ZNF516: variants seen among roughly 807,000 people sequenced by gnomAD.
ZNF516 encodes the protein zinc finger protein 516.
Under a neutral mutation model 79.7 loss-of-function variants are expected in ZNF516, and 19 were observed. The ratio of observed to expected loss-of-function variants is 0.24; its 90% CI spans 0.17 to 0.35. The LOEUF is 0.35. ZNF516 is among the 10% of genes least tolerant of loss of function. ZNF516 has a pLI of 1.00. For missense variants in ZNF516, 1,678 were observed against 1,679.5 expected (o/e 1.00, Z 0.02); for synonymous variants, 877 against 739.5 (o/e 1.19, Z -3.02).
chr18:76,372,481 A>C (rs1048071490), intron 4 of ZNF516, among the ~76,000 whole-genome samples: 1 of 152,344 alleles, frequency 6.6e-6, no homozygotes, highest in South Asian at 2.1e-4. Flanking sequence ...CTGTTGCAGT[A>C]ATTTTTTAAA....
intron 2 of ZNF516, among the ~76,000 whole-genome samples, chr18:76,452,727 C>T (rs1391031401): frequency 6.6e-6 from 1 of 152,186 alleles, no homozygotes; most frequent in Non-Finnish European, 1.5e-5. Context: ...CTCGAAGTCC[C>T]TTGAACATCA....
chr18:76,484,812 T>C (rs1914735409), intron 1 of ZNF516, among the ~76,000 whole-genome samples: 1 of 152,248 alleles, frequency 6.6e-6, no homozygotes, highest in Admixed American at 6.5e-5. Context: ...AACCTTACTT[T>C]CTAAAGTTCA....
intron 2 of ZNF516, among the ~76,000 whole-genome samples, chr18:76,461,638 A>G (rs1289121384): frequency 6.6e-6 from 1 of 152,238 alleles, no homozygotes; most frequent in East Asian, 1.9e-4. Context: ...TAAAATCAGA[A>G]AACATACATC....
chr18:76,491,688 A>T (rs1406844239), intron 1 of ZNF516: 10 of 233,046 alleles, frequency 4.3e-5, no homozygotes, highest in Non-Finnish European at 6.6e-5. Flanking sequence ...CGGGGCGGGC[A>T]GGTGAGTCCC....
In ZNF516 at chr18:76,371,519, T is replaced by C; in HGVS notation, c.3312A>G (p.Gly1104=). Residue 1104 remains glycine, a synonymous_variant, in exon 5 of 7, where the codon GGA becomes GGG. Transcript: ENST00000443185. Reference sequence around the variant, plus strand: ...GGTGGCCGGGCTGGTGGAAGCTCTTTCCGCACTCGATGCAGACGAACTCTC... The same window carrying C: ...GGTGGCCGGGCTGGTGGAAGCTCTTCCCGCACTCGATGCAGACGAACTCTC... ...RPGEFVCIEC[G]KSFHQPGHLR... 1.2e-6 allele frequency: 2 copies of C among 1,610,870 alleles called. No homozygotes were observed. Among genetic ancestry groups the C allele is most frequent in the Non-Finnish European group, 8.5e-7 (1 of 1,179,816 alleles).
intron 1 of ZNF516, among the ~76,000 whole-genome samples, chr18:76,480,504 C>CACAA (rs1914453313): frequency 1.4e-5 from 1 of 73,064 alleles, no homozygotes; most frequent in Non-Finnish European, 2.4e-5. Context: ...TACACACACA[C>CACAA]ACACACACAC....
At chr18:76,469,593 T>C (rs1803760985) in intron 1 of ZNF516, among the ~76,000 whole-genome samples, 1 of 152,210 alleles carries the variant, frequency 6.6e-6, no homozygotes, top group Admixed American at 6.5e-5. Flanking sequence ...AAAGAAAGTA[T>C]GGTAACTTTA....
intron 3 of ZNF516, among the ~76,000 whole-genome samples, chr18:76,404,927 C>A (rs1406368130): frequency 6.6e-6 from 1 of 152,150 alleles, no homozygotes; most frequent in African/African-American, 2.4e-5. Context: ...TCCCTGCAGA[C>A]AGGAGAGTCC....
At chr18:76,410,106 A>G (rs774852780) in intron 3 of ZNF516, among the ~76,000 whole-genome samples, 21 of 152,210 alleles carry the variant, frequency 1.4e-4, no homozygotes, top group Non-Finnish European at 2.8e-4. Context: ...TGAGTCCACT[A>G]AGCCTCTTTC....
intron 3 of ZNF516, among the ~76,000 whole-genome samples, chr18:76,430,099 C>G (rs1289324420): frequency 6.6e-6 from 1 of 152,166 alleles, no homozygotes; most frequent in Admixed American, 6.5e-5. Context: ...TCTGGGGGCA[C>G]CTTTAACTGC....
rs61233300 is a variant in ZNF516, at chr18:76,360,646, A to AATATATATATAT, written c.*1840_*1851dup. Reference sequence around the variant, plus strand: ...AAAAAAATAAGTAAAAAAAAAAAAAAATATATATATATATATATATATATA... The same window carrying AATATATATATAT: ...AAAAAAATAAGTAAAAAAAAAAAAAAATATATATATATATATATATATATATATATATATATA... On this transcript the variant is annotated 3_prime_UTR_variant, in exon 7 of 7. Transcript: ENST00000443185. 21 of 72,460 alleles carry AATATATATATAT rather than the reference A, an allele frequency of 2.9e-4. No homozygotes were observed. The highest frequency in any genetic ancestry group is 4.9e-4 in the Non-Finnish European group (18 of 36,924). The allele number at this position is 72,460 out of a possible 1,614,324, so 4.5% of individuals were successfully genotyped here. A position where few individuals can be genotyped will look rare whatever the true frequency, so the allele number is the denominator to read the frequency against.
intron 3 of ZNF516, among the ~76,000 whole-genome samples, chr18:76,405,956 C>T (rs1415333478): frequency 3.9e-5 from 6 of 152,148 alleles, no homozygotes; most frequent in African/African-American, 9.6e-5. Context: ...ATCAGATCCA[C>T]CTCTGATACA....
intron 6 of ZNF516, among the ~76,000 whole-genome samples, chr18:76,365,229 T>TA (rs2074596170): frequency 6.6e-6 from 1 of 152,204 alleles, no homozygotes; most frequent in Non-Finnish European, 1.5e-5. Context: ...TTTAGAATAA[T>TA]AAGAAATAAA....
intron 4 of ZNF516, among the ~76,000 whole-genome samples, chr18:76,377,144 C>A (rs752605186): frequency 3.8e-4 from 58 of 152,252 alleles, no homozygotes; most frequent in African/African-American, 1.3e-3. Context: ...CATGGCACTG[C>A]GCCGCGCCTC....
rs769030616 is a variant in ZNF516, at chr18:76,421,228, GA to G, written c.1810+20016del. Among the ~76,000 whole-genome samples the G allele has an allele frequency of 5.5e-4, 84 of 152,286 alleles. 1 individual carries two copies. The highest frequency in any genetic ancestry group is 9.7e-4 in the Non-Finnish European group (66 of 68,006). On this transcript the variant is annotated intron_variant, in intron 3 of 6. Transcript: ENST00000443185. The stretch of plus-strand genomic sequence containing the variant: ...TCTGCGTTTAGGCTGGTGCATATTG[GA>G]AAAGGGCTCTAGAGACAGGGTGTGA...
rs572758212 is a variant in ZNF516, at chr18:76,442,580, C to A, written c.475G>T (p.Gly159Trp). The part of the protein sequence containing the change: ...GRVLLRSSKK[G>W]AEGSACAPGE... ...GGGGCGCATGCGGACCCCTCTGCCC[C>A]CTTCTTGCTGCTCCGCAGCAGGACT... The change falls in exon 3 of 7, where the codon GGG becomes TGG. Residue 159 changes from glycine (G) to tryptophan (W), a missense_variant. Transcript: ENST00000443185. 28 of 1,598,292 alleles carry A rather than the reference C, an allele frequency of 1.8e-5. No homozygotes were observed. Among genetic ancestry groups the A allele is most frequent in the African/African-American group, 5.3e-5 (4 of 74,926 alleles).
At position 76,457,089 on chromosome 18, in the gene ZNF516, C is replaced by A. The variant is rs368111456; in HGVS notation, c.-158+5939G>T. ...AGGGTTATGCAGCCTGCCAGTAAGA[C>A]AACACGCAGTGAACAAAAAGACATT... On this transcript the variant is annotated intron_variant, in intron 2 of 6. Coordinates refer to ENST00000443185, the MANE Select transcript of ZNF516 (RefSeq NM_014643.4). Among the ~76,000 whole-genome samples the A allele has an allele frequency of 1.7e-4, 26 of 152,316 alleles. 1 individual carries two copies. In the South Asian group the frequency reaches 3.9e-3, roughly 23 times the overall value.
upstream of ZNF516, chr18:76,496,286 G>C (rs767121442): frequency 7.8e-7 from 1 of 1,289,116 alleles, no homozygotes; most frequent in Admixed American, 2.3e-5. Flanking sequence ...CAGGCTCCTG[G>C]CCGTATTGTT....
intron 2 of ZNF516, among the ~76,000 whole-genome samples, chr18:76,456,016 G>A (rs1006929228): frequency 6.6e-6 from 1 of 152,144 alleles, no homozygotes; most frequent in African/African-American, 2.4e-5. Context: ...TCCTCAAACA[G>A]TCAGGTATCG....
Sources: gnomAD v4.1 joint callset for allele counts (sites outside exome capture counted in the v4.1 genomes callset) on GRCh38, gnomAD v4.1.1 for gene constraint, MANE v1.5 for transcripts, NCBI Gene and HGNC (gene_info 2026-07-23, HGNC 2026-07-21) for gene names.